The following ASAP2 variants were observed in gnomAD, a reference collection of about 807,000 sequenced individuals.
ASAP2 encodes the protein arf-GAP with SH3 domain, ANK repeat and PH domain-containing protein 2.
Under a neutral mutation model 131.4 loss-of-function variants are expected in ASAP2, and 45 were observed. That is an observed-to-expected ratio of 0.34 (90% CI 0.27 to 0.44). The LOEUF is 0.44. Ranked by LOEUF, ASAP2 falls within the 20% of genes least tolerant of loss-of-function variation. The pLI is 1.00. For missense variants in ASAP2, 1,011 were observed against 1,297.0 expected, an observed-to-expected ratio of 0.78 and a Z score of 3.39; for synonymous variants, 510 against 503.0, an observed-to-expected ratio of 1.01 and a Z score of -0.19.
chr2:9,348,472 G>A (rs1318947366), intron 11 of ASAP2, among the ~76,000 whole-genome samples: 3 of 152,168 alleles, frequency 2.0e-5, no homozygotes, highest in Non-Finnish European at 2.9e-5. Flanking sequence ...TTAATGGATA[G>A]AATTTTCTCC....
intron 1 of ASAP2, among the ~76,000 whole-genome samples, chr2:9,262,710 C>T (rs1047486968): frequency 2.6e-5 from 4 of 152,162 alleles, no homozygotes; most frequent in African/African-American, 9.7e-5. Flanking sequence ...TAAAGGAACA[C>T]AGCACACAAA....
chr2:9,222,769 C>G (rs1662517117), intron 1 of ASAP2, among the ~76,000 whole-genome samples: 1 of 152,136 alleles, frequency 6.6e-6, no homozygotes, highest in Non-Finnish European at 1.5e-5. Context: ...CAGTAAAAAT[C>G]ATGGGTAGGA....
At chr2:9,221,871 G>A (rs1197212367) in intron 1 of ASAP2, among the ~76,000 whole-genome samples, 1 of 152,152 alleles carries the variant, frequency 6.6e-6, no homozygotes, top group Non-Finnish European at 1.5e-5. Context: ...TCGGCTCACT[G>A]CAAGCTCTGC....
At chr2:9,266,147 C>CTTTTTTTTTT (rs3053782) in intron 1 of ASAP2, among the ~76,000 whole-genome samples, 3 of 133,902 alleles carry the variant, frequency 2.2e-5, no homozygotes, top group Non-Finnish European at 1.6e-5. Flanking sequence ...GCCTTTTTAT[C>CTTTTTTTTTT]TTTTTTTTTT....
chr2:9,400,514 G>T (rs1333539108), intron 25 of ASAP2, among the ~76,000 whole-genome samples: 3 of 150,346 alleles, frequency 2.0e-5, no homozygotes, highest in African/African-American at 7.4e-5. Context: ...CAGTCCTGGG[G>T]CCCCTCACCT....
At chr2:9,315,573 G>T (rs1669607610) in intron 3 of ASAP2, among the ~76,000 whole-genome samples, 1 of 152,116 alleles carries the variant, frequency 6.6e-6, no homozygotes, top group African/African-American at 2.4e-5. Context: ...CATACTTGGG[G>T]CTGCCTGCAA....
intron 1 of ASAP2, among the ~76,000 whole-genome samples, chr2:9,252,539 A>G (rs1558267592): frequency 6.6e-6 from 1 of 152,054 alleles, no homozygotes; most frequent in Admixed American, 6.6e-5. Context: ...ACACCACTGC[A>G]TTCCAGCCTG....
At position 9,374,743 on chromosome 2, in the gene ASAP2, G is replaced by A. The variant is rs1402585830; in HGVS notation, c.1557-12G>A. 14 of 1,584,666 alleles carry A rather than the reference G, an allele frequency of 8.8e-6. No homozygotes were observed. Among genetic ancestry groups the A allele is most frequent in the South Asian group, 3.4e-5 (3 of 87,062 alleles). ...CCTTCATGATTTGCAAGGCAATTAC[G>A]TTTGGTTTCAGGAATGCAAGAAAGG... On this transcript the variant is annotated splice_polypyrimidine_tract_variant and intron_variant, in intron 16 of 27. Coordinates refer to ENST00000281419, the MANE Select transcript of ASAP2 (RefSeq NM_003887.3).
chr2:9,301,074 G>T (rs200768133), intron 3 of ASAP2, among the ~76,000 whole-genome samples: 1 of 152,128 alleles, frequency 6.6e-6, no homozygotes, highest in South Asian at 2.1e-4. Flanking sequence ...TTGGAATTTT[G>T]TGCACCATTC....
chr2:9,331,613 C>T (rs1364796615), intron 7 of ASAP2, among the ~76,000 whole-genome samples: 1 of 152,148 alleles, frequency 6.6e-6, no homozygotes, highest in Non-Finnish European at 1.5e-5. Flanking sequence ...ACTAAAAATA[C>T]AAAAATTAGC....
At chr2:9,362,533 G>A (rs1673171627) in intron 15 of ASAP2, among the ~76,000 whole-genome samples, 1 of 152,124 alleles carries the variant, frequency 6.6e-6, no homozygotes, top group African/African-American at 2.4e-5. Context: ...TTTGTGGTGA[G>A]AACACTTAAA....
chr2:9,280,208 T>G (rs1667041465), intron 2 of ASAP2, among the ~76,000 whole-genome samples: 1 of 152,178 alleles, frequency 6.6e-6, no homozygotes, highest in South Asian at 2.1e-4. Context: ...GTCAGGTCCC[T>G]TCATCTATAC....
In ASAP2 at chr2:9,389,625, G is replaced by A. The variant is rs986266823; in HGVS notation, c.2383+1079G>A. 1.3e-5 allele frequency among the ~76,000 whole-genome samples: 2 copies of A among 152,202 alleles called. No individual in the cohort carries two copies. The highest frequency in any genetic ancestry group is 2.9e-5 in the Non-Finnish European group (2 of 68,040). On this transcript the variant is annotated intron_variant, in intron 22 of 27. Transcript: ENST00000281419. This position sits in a 1 kb window ranked among gnomAD's most constrained non-coding sequence, Gnocchi z 4.7. Reference sequence around the variant, plus strand: ...CAGACCCTCACACGGCTCTGCCCCTGTCATTCAGGGAGGCCCAGAGAAGTG... The same window carrying A: ...CAGACCCTCACACGGCTCTGCCCCTATCATTCAGGGAGGCCCAGAGAAGTG...
intron 20 of ASAP2, among the ~76,000 whole-genome samples, chr2:9,383,137 T>C (rs1674996651): frequency 6.6e-6 from 1 of 151,952 alleles, no homozygotes; most frequent in South Asian, 2.1e-4. Context: ...ATGAGTCAGG[T>C]TCAGTGGAGT....
At chr2:9,315,464 A>C (rs1213663991) in intron 3 of ASAP2, among the ~76,000 whole-genome samples, 1 of 152,190 alleles carries the variant, frequency 6.6e-6, no homozygotes, top group Non-Finnish European at 1.5e-5. Flanking sequence ...GGGTGGCAGC[A>C]CTGGGGTCAG....
Position 9,388,626 on chromosome 2 carries a change from C to T in ASAP2, c.2383+80C>T. On this transcript the variant is annotated intron_variant, in intron 22 of 27. Transcript: ENST00000281419. ...TGGGAAGTTTGCAGCTGCCCTGCCT[C>T]CAACTCAGTGACCTTTGGGCTCTTT... The T allele has an allele frequency of 2.0e-6, 3 of 1,536,300 alleles. No individual in the cohort carries two copies. The South Asian group carries it at 3.8e-5, about 19-fold the overall frequency.
intron 1 of ASAP2, among the ~76,000 whole-genome samples, chr2:9,265,605 A>G (rs1180785514): frequency 6.6e-6 from 1 of 152,246 alleles, no homozygotes; most frequent in Non-Finnish European, 1.5e-5. Flanking sequence ...TTCCTAAGAC[A>G]ACAATGATTA....
At position 9,368,352 on chromosome 2, in the gene ASAP2, T is replaced by A. The variant is rs73148800; in HGVS notation, c.1462-73T>A. The A allele has an allele frequency of 2.1e-4, 279 of 1,330,358 alleles. 1 individual carries two copies. In the African/African-American group the frequency reaches 3.6e-3, roughly 17 times the overall value. The allele number at this position is 1,330,358 out of a possible 1,614,324, so 82.4% of individuals were successfully genotyped here. ...AGTGGCCATTAAATAAATCATCAGA[T>A]GGGGATGGGTAATGTGTAGCAGTAG... On this transcript the variant is annotated intron_variant, in intron 15 of 27. Coordinates refer to ENST00000281419, the MANE Select transcript of ASAP2 (RefSeq NM_003887.3).
chr2:9,319,212 C>T (rs917957810), intron 4 of ASAP2, among the ~76,000 whole-genome samples: 19 of 152,238 alleles, frequency 1.2e-4, no homozygotes, highest in African/African-American at 4.6e-4. Context: ...CAGCGCGCTG[C>T]CCCTGCGCAT....
Sources: allele counts gnomAD v4.1 joint callset (sites outside exome capture counted in the v4.1 genomes callset), GRCh38; gene constraint gnomAD v4.1.1; non-coding constraint Gnocchi (gnomAD v3.1); transcripts MANE v1.5; gene names NCBI Gene and HGNC (gene_info 2026-07-23, HGNC 2026-07-21).